Variants in PCDH15 observed in about 807,000 individuals in gnomAD.
The protein encoded by PCDH15 is protocadherin related 15, also known as protocadherin-15.
In PCDH15, 129 loss-of-function variants were observed where a neutral mutation model predicts 178.5. That is an observed-to-expected ratio of 0.72 (90% CI 0.63 to 0.84). The LOEUF (loss-of-function observed/expected upper bound fraction) is 0.84. PCDH15 is among the 40% of genes least tolerant of loss of function. The probability of loss-of-function intolerance (pLI) is 0.00; values close to 1 mark genes in which losing one functional copy is unlikely to be tolerated. For synonymous variants in PCDH15, 800 were observed against 732.0 expected (o/e 1.09, Z -1.50); for missense variants, 2,230 against 2,099.9 (o/e 1.06, Z -1.21).
chr10:55,185,533 C>T (rs1040799658), intron 1 of PCDH15, among the ~76,000 whole-genome samples: 7 of 151,512 alleles, frequency 4.6e-5, no homozygotes, highest in African/African-American at 1.7e-4. Context: ...AGAGAAATAT[C>T]AGTATATCTC....
intron 26 of PCDH15, among the ~76,000 whole-genome samples, chr10:53,900,823 A>G (rs932904784): frequency 6.6e-6 from 1 of 152,168 alleles, no homozygotes; most frequent in Non-Finnish European, 1.5e-5. Context: ...ATCCCATCAG[A>G]TAATGCCACC....
At chr10:53,900,841 T>C (rs2082288574) in intron 26 of PCDH15, among the ~76,000 whole-genome samples, 2 of 152,178 alleles carry the variant, frequency 1.3e-5, no homozygotes, top group Admixed American at 1.3e-4. Flanking sequence ...ACCCACTAAA[T>C]TTCCTTGTTA....
At chr10:54,744,379 C>A (rs1478606715) in intron 1 of PCDH15, among the ~76,000 whole-genome samples, 2 of 152,040 alleles carry the variant, frequency 1.3e-5, no homozygotes, top group Non-Finnish European at 2.9e-5. Context: ...CTGCTTTATC[C>A]AGTAAGATTT....
intron 2 of PCDH15, among the ~76,000 whole-genome samples, chr10:55,569,855 G>A (rs1377087508): frequency 6.6e-6 from 1 of 151,880 alleles, no homozygotes; most frequent in African/African-American, 2.4e-5. Context: ...CCTAATGCCA[G>A]TAAATTTATT....
chr10:54,216,234 T>C (rs1389161947), intron 9 of PCDH15, among the ~76,000 whole-genome samples: 2 of 151,842 alleles, frequency 1.3e-5, no homozygotes, highest in Admixed American at 1.3e-4. Context: ...GGTGGGCAGA[T>C]CATCTGAGGT....
At chr10:55,206,872 T>G (rs1274994304) in intron 1 of PCDH15, among the ~76,000 whole-genome samples, 1 of 152,018 alleles carries the variant, frequency 6.6e-6, no homozygotes, top group African/African-American at 2.4e-5. Flanking sequence ...TAAAAGTAGA[T>G]AGATATGATG....
At chr10:54,505,953 G>A (rs1020228561) in intron 3 of PCDH15, among the ~76,000 whole-genome samples, 43 of 152,180 alleles carry the variant, frequency 2.8e-4, no homozygotes, top group Admixed American at 2.6e-3. Flanking sequence ...TATTTAACAT[G>A]ATCATTGTTT....
At chr10:53,972,401 C>A (rs2089793316) in intron 21 of PCDH15, among the ~76,000 whole-genome samples, 1 of 152,128 alleles carries the variant, frequency 6.6e-6, no homozygotes, top group African/African-American at 2.4e-5. Context: ...GACTAAAACA[C>A]CAAAAGCAAT....
At chr10:54,532,349 C>T (rs1382888629) in intron 2 of PCDH15, among the ~76,000 whole-genome samples, 1 of 152,160 alleles carries the variant, frequency 6.6e-6, no homozygotes, top group Non-Finnish European at 1.5e-5. Context: ...CTCCTTCCCT[C>T]TCCAGTCTCA....
intron 8 of PCDH15, among the ~76,000 whole-genome samples, chr10:54,298,000 G>A (rs985729826): frequency 2.0e-5 from 3 of 152,166 alleles, no homozygotes; most frequent in South Asian, 2.1e-4. Context: ...GCCGTGCCCA[G>A]TATGGATCCC....
intron 2 of PCDH15, among the ~76,000 whole-genome samples, chr10:54,899,693 C>T (rs2131824125): frequency 6.6e-6 from 1 of 152,134 alleles, no homozygotes; most frequent in Non-Finnish European, 1.5e-5. Flanking sequence ...AGATGGGTTT[C>T]ACCGTATTAG....
intron 15 of PCDH15, among the ~76,000 whole-genome samples, chr10:54,102,431 G>T (rs1351765414): frequency 2.6e-5 from 4 of 152,200 alleles, no homozygotes; most frequent in Non-Finnish European, 4.4e-5. Context: ...ACCACATCTG[G>T]TACGGAAGCT....
intron 1 of PCDH15, among the ~76,000 whole-genome samples, chr10:54,747,205 A>C (rs1945585349): frequency 6.6e-6 from 1 of 152,224 alleles, no homozygotes; most frequent in Non-Finnish European, 1.5e-5. Flanking sequence ...CACCATGCTT[A>C]TCAGTTAGGG....
intron 3 of PCDH15, among the ~76,000 whole-genome samples, chr10:54,499,645 G>C (rs2080466612): frequency 6.6e-6 from 1 of 152,072 alleles, no homozygotes; most frequent in African/African-American, 2.4e-5. Context: ...GATACAATAT[G>C]CCAGAATCTC....
intron 2 of PCDH15, among the ~76,000 whole-genome samples, chr10:54,591,926 TC>T (rs1209693812): frequency 1.3e-5 from 2 of 152,152 alleles, no homozygotes; most frequent in Non-Finnish European, 2.9e-5. Context: ...CCCAATCTTG[TC>T]AGAACCCAAT....
intron 1 of PCDH15, among the ~76,000 whole-genome samples, chr10:55,211,699 A>T: frequency 6.6e-6 from 1 of 152,272 alleles, no homozygotes; most frequent in East Asian, 1.9e-4. Flanking sequence ...TTATAAACCA[A>T]GAAGCCAATA....
intron 3 of PCDH15, among the ~76,000 whole-genome samples, chr10:54,826,782 T>C (rs984735975): frequency 2.0e-5 from 3 of 152,004 alleles, no homozygotes; most frequent in Non-Finnish European, 4.4e-5. Flanking sequence ...ATTTCCTAAA[T>C]TACCAAAGAT....
intron 7 of PCDH15, among the ~76,000 whole-genome samples, chr10:54,322,531 G>A (rs1288288862): frequency 6.6e-6 from 1 of 151,954 alleles, no homozygotes; most frequent in Non-Finnish European, 1.5e-5. Context: ...AAAATCTAGA[G>A]TAAAGTGATA....
intron 2 of PCDH15, among the ~76,000 whole-genome samples, chr10:54,657,532 A>G (rs984058593): frequency 1.4e-4 from 21 of 152,230 alleles, no homozygotes; most frequent in African/African-American, 3.9e-4. Context: ...CGCAGGAGAT[A>G]GTGTCAGCTG....
Sources: gnomAD v4.1 joint callset for allele counts (sites outside exome capture counted in the v4.1 genomes callset) on GRCh38, gnomAD v4.1.1 for gene constraint, MANE v1.5 for transcripts, NCBI Gene and HGNC (gene_info 2026-07-23, HGNC 2026-07-21) for gene names.